Variants in NUBPL observed in about 807,000 individuals in gnomAD.
NUBPL encodes iron-sulfur cluster transfer protein NUBPL.
Under a neutral mutation model 45.7 loss-of-function variants are expected in NUBPL, and 31 were observed. The ratio of observed to expected loss-of-function variants is 0.68; its 90% CI spans 0.51 to 0.92. NUBPL has a LOEUF of 0.92. Among genes scored for constraint, NUBPL ranks in the 40% least tolerant of loss-of-function variants. The pLI is 0.00. For synonymous variants in NUBPL, 144 were observed against 140.9 expected, an observed-to-expected ratio of 1.02 and a Z score of -0.15; for missense variants, 401 against 398.7, an observed-to-expected ratio of 1.01 and a Z score of -0.05.
At chr14:31,805,132 A>T (rs1202853600) in intron 7 of NUBPL, among the ~76,000 whole-genome samples, 1 of 152,260 alleles carries the variant, frequency 6.6e-6, no homozygotes, top group Non-Finnish European at 1.5e-5. Context: ...AAAAGAAGGC[A>T]TGCATGCAGC....
chr14:31,782,610 G>A (rs2039211808), intron 6 of NUBPL, among the ~76,000 whole-genome samples: 1 of 152,074 alleles, frequency 6.6e-6, no homozygotes, highest in Non-Finnish European at 1.5e-5. Flanking sequence ...GGCCAACATG[G>A]TGAAACCCTG....
chr14:31,793,845 T>A lies in NUBPL; in HGVS notation c.607+5972T>A, dbSNP rs12885032. Among the ~76,000 whole-genome samples, 76 of 99,876 alleles carry A rather than the reference T, an allele frequency of 7.6e-4. 1 individual carries two copies. Among genetic ancestry groups the A allele is most frequent in the East Asian group, 4.2e-3 (13 of 3,118 alleles). The allele number at this position is 99,876 out of a possible 152,430, so 65.5% of individuals were successfully genotyped here. ...TTATCTTTCTTTTTTTTTTTTATTTTTTTTTTTATTTTTTCCCAATGCTAT... is the reference window on the plus strand; with the variant it reads ...TTATCTTTCTTTTTTTTTTTTATTTATTTTTTTATTTTTTCCCAATGCTAT... On this transcript the variant is annotated intron_variant, in intron 7 of 10. Coordinates refer to ENST00000281081, the MANE Select transcript of NUBPL (RefSeq NM_025152.3).
intron 4 of NUBPL, among the ~76,000 whole-genome samples, chr14:31,635,703 T>C (rs1480878566): frequency 5.0e-5 from 7 of 139,734 alleles, no homozygotes; most frequent in African/African-American, 1.7e-4. Context: ...TTCATGATAT[T>C]GATTCTTCCT....
chr14:31,793,224 C>A (rs967882904), intron 7 of NUBPL, among the ~76,000 whole-genome samples: 1 of 152,044 alleles, frequency 6.6e-6, no homozygotes, highest in Non-Finnish European at 1.5e-5. Flanking sequence ...AGAAAAAAAC[C>A]CTTTGTACTC....
At chr14:31,702,914 C>T (rs994122528) in intron 6 of NUBPL, among the ~76,000 whole-genome samples, 12 of 152,142 alleles carry the variant, frequency 7.9e-5, no homozygotes, top group Non-Finnish European at 1.5e-4. Flanking sequence ...CTTCTGGTGC[C>T]CAATTTTGTA....
chr14:31,576,874 T>C (rs2033731135), intron 3 of NUBPL, among the ~76,000 whole-genome samples: 1 of 152,178 alleles, frequency 6.6e-6, no homozygotes, highest in Non-Finnish European at 1.5e-5. Context: ...TCAGGTAGGA[T>C]TGTTGATTGC....
chr14:31,803,931 G>C (rs4981913), intron 7 of NUBPL, among the ~76,000 whole-genome samples: 143,089 of 152,176 alleles, frequency 0.94, 67,379 homozygotes, highest in East Asian at 0.99. Context: ...CCTTCCTTTC[G>C]TTTCTTTCTT....
chr14:31,574,579 C>CT (rs2033671055), intron 3 of NUBPL, among the ~76,000 whole-genome samples: 1 of 124,486 alleles, frequency 8.0e-6, no homozygotes, highest in South Asian at 2.6e-4. Flanking sequence ...CGATTCTTTC[C>CT]TTCTTTTTTT....
intron 4 of NUBPL, among the ~76,000 whole-genome samples, chr14:31,655,578 C>T (rs527542063): frequency 1.3e-5 from 2 of 152,220 alleles, no homozygotes; most frequent in Admixed American, 6.5e-5. Context: ...CAAGGCATGG[C>T]AGAGAGCATC....
chr14:31,628,648 G>A (rs2035268504), intron 4 of NUBPL, among the ~76,000 whole-genome samples: 1 of 151,236 alleles, frequency 6.6e-6, no homozygotes, highest in African/African-American at 2.4e-5. Context: ...TCATCCTTTT[G>A]TCTTCCAAGT....
chr14:31,635,829 G>A (rs939245168), intron 4 of NUBPL, among the ~76,000 whole-genome samples: 2 of 151,980 alleles, frequency 1.3e-5, no homozygotes, highest in Non-Finnish European at 2.9e-5. Flanking sequence ...TGGATTCCTA[G>A]GTATTTTATT....
chr14:31,562,010 G>A, intron 1 of NUBPL, 58 bp from the exon 2 acceptor site: 1 of 1,527,568 alleles, frequency 6.5e-7, no homozygotes, highest in Admixed American at 2.0e-5. Context: ...TGCTTTTACA[G>A]TGTGATGATG....
intron 6 of NUBPL, among the ~76,000 whole-genome samples, chr14:31,692,875 A>G (rs1284702941): frequency 2.6e-5 from 4 of 152,206 alleles, no homozygotes; most frequent in African/African-American, 7.2e-5. Flanking sequence ...CTTAAATGGC[A>G]AGTGATTATA....
intron 7 of NUBPL, among the ~76,000 whole-genome samples, chr14:31,800,185 C>T (rs186440629): frequency 1.5e-4 from 23 of 152,230 alleles, no homozygotes; most frequent in Admixed American, 7.8e-4. Flanking sequence ...CTGTTTCCAC[C>T]ACATCTGCAG....
chr14:31,622,312 G>A (rs1340489725), intron 4 of NUBPL, among the ~76,000 whole-genome samples: 1 of 152,262 alleles, frequency 6.6e-6, no homozygotes, highest in Non-Finnish European at 1.5e-5. Context: ...GGGAAGCAGA[G>A]CATAAAAGTT....
chr14:31,754,734 C>A (rs1321055725), intron 6 of NUBPL, among the ~76,000 whole-genome samples: 1 of 150,406 alleles, frequency 6.6e-6, no homozygotes, highest in Admixed American at 6.7e-5. Flanking sequence ...TTTTAGGGTA[C>A]ATGTGCACAA....
At chr14:31,853,067 GTTGTGTTGTGTTGTGTT>G (rs1440281620) in intron 10 of NUBPL, among the ~76,000 whole-genome samples, 1,432 of 114,494 alleles carry the variant, frequency 0.013, 20 homozygotes, top group African/African-American at 0.036. Flanking sequence ...GACTGATACT[GTTGTGTTGTGTTGTGTT>G]TTGTTTTGTT....
chr14:31,708,756 G>A (rs1040364628), intron 6 of NUBPL, among the ~76,000 whole-genome samples: 1 of 152,176 alleles, frequency 6.6e-6, no homozygotes, highest in Non-Finnish European at 1.5e-5. Flanking sequence ...ACATGAGCTG[G>A]CGCTTGTTCC....
At chr14:31,756,864 A>G (rs2038677719) in intron 6 of NUBPL, among the ~76,000 whole-genome samples, 1 of 150,076 alleles carries the variant, frequency 6.7e-6, no homozygotes, top group Non-Finnish European at 1.5e-5. Context: ...TATTATTTTG[A>G]GATACGTCCC....
Sources: gnomAD v4.1 joint callset for allele counts (sites outside exome capture counted in the v4.1 genomes callset) on GRCh38, gnomAD v4.1.1 for gene constraint, MANE v1.5 for transcripts, NCBI Gene and HGNC (gene_info 2026-07-23, HGNC 2026-07-21) for gene names.